The following SLC17A8 variants were observed in gnomAD, a reference collection of about 807,000 sequenced individuals.
SLC17A8 encodes vesicular glutamate transporter 3.
SLC17A8 carries 31 observed loss-of-function variants against 58.0 expected under a neutral mutation model. That is an observed-to-expected ratio of 0.53 (90% CI 0.40 to 0.72). The LOEUF is 0.72. SLC17A8 is among the 30% of genes least tolerant of loss of function. SLC17A8 has a pLI of 0.00. For missense variants in SLC17A8, 655 were observed against 727.8 expected (o/e 0.90, Z 1.15); for synonymous variants, 228 against 249.0 (o/e 0.92, Z 0.79).
chr12:100,365,258 T>C (rs2135970772), intron 1 of SLC17A8, among the ~76,000 whole-genome samples: 1 of 152,330 alleles, frequency 6.6e-6, no homozygotes, highest in Non-Finnish European at 1.5e-5. Context: ...TGCCATGAGA[T>C]GTTTTTTGTC....
At chr12:100,372,138 G>A (rs1187237872) in intron 1 of SLC17A8, among the ~76,000 whole-genome samples, 2 of 152,066 alleles carry the variant, frequency 1.3e-5, no homozygotes, top group African/African-American at 4.8e-5. Flanking sequence ...GTTTGCTAGG[G>A]CTGCCACAAC....
intron 5 of SLC17A8, among the ~76,000 whole-genome samples, chr12:100,400,805 G>T (rs1408226992): frequency 1.3e-5 from 2 of 151,974 alleles, no homozygotes; most frequent in Non-Finnish European, 2.9e-5. Context: ...GACGTCCAGA[G>T]GATAGCAGAG....
chr12:100,401,392 C>G (rs2136004719), intron 5 of SLC17A8, among the ~76,000 whole-genome samples: 1 of 152,110 alleles, frequency 6.6e-6, no homozygotes, highest in East Asian at 1.9e-4. Context: ...TGAGAATCCT[C>G]CCAGTCCTCC....
chr12:100,402,706 T>A lies in SLC17A8; in HGVS notation c.1014T>A (p.Pro338=). Residue 338 remains proline (P), a synonymous_variant, in exon 8 of 12, where the codon CCT becomes CCA. Transcript: ENST00000323346. The part of the protein sequence containing the change: ...WTFYLLLISQ[P]AYFEEVFGFA... ...TTTATTTGCTCCTCATAAGTCAGCC[T>A]GCTTATTTTGAAGAGGTCTTTGGAT... 1 of 1,614,142 alleles carries A rather than the reference T, an allele frequency of 6.2e-7. No homozygotes were observed. Among genetic ancestry groups the A allele is most frequent in the Non-Finnish European group, 8.5e-7 (1 of 1,180,012 alleles).
chr12:100,402,420 G>A lies in SLC17A8; in HGVS notation c.844G>A (p.Glu282Lys). Residue 282 changes from glutamate (E) to lysine (K), a missense_variant, in exon 7 of 12, where the codon GAG becomes AAG. Glu to Lys is a moderately conservative substitution (Grantham distance 56). Transcript: ENST00000323346. Reference protein sequence around the residue: ...CPAAHPTISNEEKTYIETSIG... With the variant: ...CPAAHPTISNKEKTYIETSIG... Reference sequence around the variant, plus strand: ...AGCAGCTCATCCAACAATATCCAATGAGGAGAAGACCTATATAGAGACAAG... The same window carrying A: ...AGCAGCTCATCCAACAATATCCAATAAGGAGAAGACCTATATAGAGACAAG... 1 of 1,614,106 alleles carries A rather than the reference G, an allele frequency of 6.2e-7. No homozygotes were observed. The highest frequency in any genetic ancestry group is 2.2e-5 in the East Asian group (1 of 44,874).
At chr12:100,373,576 ACT>A (rs1952573475) in intron 1 of SLC17A8, among the ~76,000 whole-genome samples, 1 of 117,264 alleles carries the variant, frequency 8.5e-6, no homozygotes, top group Non-Finnish European at 1.7e-5. Context: ...CAAATCAGTG[ACT>A]TTTTTTTTTT....
chr12:100,364,481 C>T (rs1295115076), intron 1 of SLC17A8, among the ~76,000 whole-genome samples: 1 of 152,222 alleles, frequency 6.6e-6, no homozygotes, highest in Non-Finnish European at 1.5e-5. Context: ...GGAGCTCCGA[C>T]ATAGCCTCCA....
rs779092093 is a variant in SLC17A8, at chr12:100,420,094, AC to A, written c.1708del (p.Asp571MetfsTer5). On this transcript the variant is annotated frameshift_variant, in exon 12 of 12. Transcript: ENST00000323346. LOFTEE classifies it high-confidence loss of function. ...GGAATGGAAAGGACAGAGAGGAGCG[AC>A]CCTTGATGAGGAAGAGCTGACATCC... ...KKEWKGQRGA[T>X]LDEEELTSYQ... 1 of 1,613,898 alleles carries A rather than the reference AC, an allele frequency of 6.2e-7. No individual in the cohort carries two copies. The highest frequency in any genetic ancestry group is 1.3e-5 in the African/African-American group (1 of 74,924).
intron 1 of SLC17A8, among the ~76,000 whole-genome samples, chr12:100,377,878 G>A (rs1336545637): frequency 1.3e-5 from 2 of 152,098 alleles, no homozygotes; most frequent in African/African-American, 2.4e-5. Context: ...GTGAGCCACC[G>A]CGCCCAGCCT....
At chr12:100,373,534 G>A (rs1028653736) in intron 1 of SLC17A8, among the ~76,000 whole-genome samples, 9 of 151,658 alleles carry the variant, frequency 5.9e-5, no homozygotes, top group African/African-American at 2.2e-4. Context: ...AATGGTCCTG[G>A]GATCAGGGAG....
At chr12:100,364,815 A>C (rs1038279321) in intron 1 of SLC17A8, among the ~76,000 whole-genome samples, 3 of 152,194 alleles carry the variant, frequency 2.0e-5, no homozygotes, top group Admixed American at 6.5e-5. Flanking sequence ...TTCATACAAA[A>C]TGTGTGGCCA....
chr12:100,394,424 TAG>T (rs1241628073), intron 4 of SLC17A8, among the ~76,000 whole-genome samples: 1 of 140,242 alleles, frequency 7.1e-6, no homozygotes, highest in Non-Finnish European at 1.5e-5. Flanking sequence ...TTTTTTGAGA[TAG>T]AGTCTCGCTC....
At chr12:100,379,415 A>G (rs1952616904) in intron 1 of SLC17A8, among the ~76,000 whole-genome samples, 1 of 148,060 alleles carries the variant, frequency 6.8e-6, no homozygotes, top group Non-Finnish European at 1.5e-5. Context: ...CAGCCTGGCA[A>G]CAGACCGAGA....
At chr12:100,383,524 A>G (rs1952651561) in intron 2 of SLC17A8, among the ~76,000 whole-genome samples, 2 of 152,200 alleles carry the variant, frequency 1.3e-5, no homozygotes, top group South Asian at 4.1e-4. Context: ...AAAGGCTCTG[A>G]ATGGCTGGTA....
chr12:100,357,338 G>A lies in SLC17A8; in HGVS notation c.-54G>A. ...GGTTCTCACACTGGAAATGAGGAAG[G>A]ATGACAGTTTTTGAGACTGACTGTT... On this transcript the variant is annotated 5_prime_UTR_variant, in exon 1 of 12. Transcript: ENST00000323346. The A allele has an allele frequency of 1.0e-6, 1 of 992,104 alleles. No homozygotes were observed. Among genetic ancestry groups the A allele is most frequent in the South Asian group, 1.3e-5 (1 of 78,454 alleles). The allele number at this position is 992,104 out of a possible 1,614,324, so 61.5% of individuals were successfully genotyped here. A position where few individuals can be genotyped will look rare whatever the true frequency, so the allele number is the denominator to read the frequency against.
At position 100,418,547 on chromosome 12, in the gene SLC17A8, C is replaced by T. The variant is rs183814283; in HGVS notation, c.1425+391C>T. On this transcript the variant is annotated intron_variant, in intron 11 of 11. Coordinates refer to ENST00000323346, the MANE Select transcript of SLC17A8 (RefSeq NM_139319.3). The stretch of plus-strand genomic sequence containing the variant: ...CCATCCATTGCTTAGCATGTTTCAG[C>T]ATAAAAAGATGAGTGCTATTCTACT... 1.7e-3 allele frequency among the ~76,000 whole-genome samples: 263 copies of T among 152,252 alleles called. 1 individual carries two copies. Among genetic ancestry groups the T allele is most frequent in the Non-Finnish European group, 3.0e-3 (204 of 68,012 alleles).
chr12:100,393,837 A>AT (rs1952733583), intron 4 of SLC17A8, among the ~76,000 whole-genome samples: 1 of 152,200 alleles, frequency 6.6e-6, no homozygotes, highest in Non-Finnish European at 1.5e-5. Flanking sequence ...AAATCTGTAC[A>AT]TTTTCAAGGG....
chr12:100,396,503 T>A, intron 5 of SLC17A8, 86 bp downstream of exon 5: 1 of 1,054,376 alleles, frequency 9.5e-7, no homozygotes, highest in Non-Finnish European at 1.5e-6. Flanking sequence ...ATCTCAGCAC[T>A]TTAGGGAGGC....
intron 9 of SLC17A8, among the ~76,000 whole-genome samples, chr12:100,407,177 G>A (rs938479311): frequency 6.6e-6 from 1 of 152,144 alleles, no homozygotes; most frequent in Admixed American, 6.5e-5. Context: ...AAACACAGAA[G>A]TTTTTCAAAG....
Sources: gnomAD v4.1 joint callset for allele counts (sites outside exome capture counted in the v4.1 genomes callset) on GRCh38, gnomAD v4.1.1 for gene constraint, MANE v1.5 for transcripts, NCBI Gene and HGNC (gene_info 2026-07-23, HGNC 2026-07-21) for gene names.